DLG2: variants seen among roughly 807,000 people sequenced by gnomAD.
DLG2 encodes disks large homolog 2.
In DLG2, 45 loss-of-function variants were observed where a neutral mutation model predicts 132.5. The observed-to-expected ratio is 0.34, with a 90% CI of 0.27 to 0.44. DLG2 has a LOEUF of 0.44. Ranked by LOEUF, DLG2 falls within the 20% of genes least tolerant of loss-of-function variation. The pLI is 1.00. For missense variants in DLG2, 1,045 were observed against 1,196.9 expected, an observed-to-expected ratio of 0.87 and a Z score of 1.87; for synonymous variants, 424 against 419.6, an observed-to-expected ratio of 1.01 and a Z score of -0.13.
intron 3 of DLG2, among the ~76,000 whole-genome samples, chr11:85,423,048 G>C (rs1293915425): frequency 1.3e-5 from 2 of 151,684 alleles, no homozygotes; most frequent in Non-Finnish European, 2.9e-5. Context: ...TTGGTTTTTT[G>C]GTTCCTTCTC....
At chr11:85,324,797 G>A (rs1252522050) in intron 3 of DLG2, among the ~76,000 whole-genome samples, 4 of 152,040 alleles carry the variant, frequency 2.6e-5, no homozygotes, top group Non-Finnish European at 5.9e-5. Flanking sequence ...AACAGCTCCG[G>A]TCTACAGCTC....
At chr11:84,002,187 C>T (rs1316456134) in intron 11 of DLG2, among the ~76,000 whole-genome samples, 1 of 152,032 alleles carries the variant, frequency 6.6e-6, no homozygotes, top group Non-Finnish European at 1.5e-5. Context: ...GAAGAGAGAA[C>T]ACCTAAATAA....
chr11:84,338,881 A>T (rs2154404684), intron 7 of DLG2, among the ~76,000 whole-genome samples: 1 of 152,314 alleles, frequency 6.6e-6, no homozygotes, highest in Admixed American at 6.5e-5. Flanking sequence ...ATTAAATAAT[A>T]CATGATAATC....
In DLG2 at chr11:84,602,669, T is replaced by G. The variant is rs368612377; in HGVS notation, c.358-67938A>C. Among the ~76,000 whole-genome samples the G allele has an allele frequency of 2.7e-4, 41 of 152,072 alleles. No homozygotes were observed. The East Asian group carries it at 6.2e-3, about 23-fold the overall frequency. ...TTTTGCTTTTATGTCCCTTTAAGGA[T>G]GCAGTGGGAGAAATAGAGTGATCAC... On this transcript the variant is annotated intron_variant, in intron 6 of 27. Transcript: ENST00000376104.
At position 85,239,047 on chromosome 11, in the gene DLG2, T is replaced by A. The variant is rs533264539; in HGVS notation, c.186+46173A>T. 1.5e-4 allele frequency among the ~76,000 whole-genome samples: 23 copies of A among 152,186 alleles called. No individual in the cohort carries two copies. In the South Asian group the frequency reaches 4.8e-3, roughly 32 times the overall value. On this transcript the variant is annotated intron_variant, in intron 4 of 27. Transcript: ENST00000376104. ...TGGTGTTATTCAAGATTTACAATAT[T>A]GTACTATATATGAAGAAAAATACAC...
chr11:83,779,548 G>T (rs572501697), intron 18 of DLG2, among the ~76,000 whole-genome samples: 1 of 152,070 alleles, frequency 6.6e-6, no homozygotes, highest in Admixed American at 6.6e-5. Flanking sequence ...CATTCCTTGG[G>T]CTATTAAAGC....
chr11:85,240,000 C>T (rs1474684312), intron 4 of DLG2, among the ~76,000 whole-genome samples: 1 of 151,852 alleles, frequency 6.6e-6, no homozygotes, highest in Non-Finnish European at 1.5e-5. Context: ...ACTTGTTAAA[C>T]TCATAGTTCC....
At chr11:83,547,420 C>A (rs1419768089) in intron 19 of DLG2, among the ~76,000 whole-genome samples, 1 of 152,036 alleles carries the variant, frequency 6.6e-6, no homozygotes. Context: ...TGGACACAAT[C>A]TAATTACATG....
intron 19 of DLG2, among the ~76,000 whole-genome samples, chr11:83,558,148 C>T (rs533209): frequency 0.48 from 72,914 of 151,984 alleles, 18,184 homozygotes; most frequent in African/African-American, 0.59. Context: ...GTTGTAGTCC[C>T]TTACTTAGTC....
intron 6 of DLG2, among the ~76,000 whole-genome samples, chr11:84,977,495 C>A (rs568221531): frequency 3.2e-4 from 48 of 152,244 alleles, no homozygotes; most frequent in African/African-American, 1.1e-3. Flanking sequence ...TTTTCCATTA[C>A]AGAAAGCATC....
chr11:85,274,223 T>G (rs912240973), intron 4 of DLG2, among the ~76,000 whole-genome samples: 49 of 152,332 alleles, frequency 3.2e-4, no homozygotes, highest in East Asian at 3.9e-4. Context: ...CTGCACGCTG[T>G]GCACATGTAC....
intron 7 of DLG2, among the ~76,000 whole-genome samples, chr11:84,314,438 T>G (rs2154393790): frequency 6.6e-6 from 1 of 152,318 alleles, no homozygotes; most frequent in East Asian, 1.9e-4. Context: ...CTTATTTTTG[T>G]GATAATATAC....
At chr11:85,463,770 A>T (rs2092691839) in intron 3 of DLG2, among the ~76,000 whole-genome samples, 3 of 152,092 alleles carry the variant, frequency 2.0e-5, no homozygotes, top group Non-Finnish European at 4.4e-5. Context: ...GACCTTGTTT[A>T]AAAATTTAAA....
intron 18 of DLG2, among the ~76,000 whole-genome samples, chr11:83,651,025 C>CAT (rs752490770): frequency 6.6e-6 from 1 of 152,074 alleles, no homozygotes; most frequent in East Asian, 1.9e-4. Context: ...CTCTATACCT[C>CAT]ATATATATAT....
At chr11:85,151,122 G>C (rs2077221851) in intron 5 of DLG2, among the ~76,000 whole-genome samples, 4 of 151,970 alleles carry the variant, frequency 2.6e-5, no homozygotes, top group Admixed American at 2.6e-4. Flanking sequence ...ATGATTAGTG[G>C]GTTGAACATT....
intron 6 of DLG2, among the ~76,000 whole-genome samples, chr11:84,567,870 A>C (rs1280036318): frequency 6.6e-6 from 1 of 152,170 alleles, no homozygotes; most frequent in Non-Finnish European, 1.5e-5. Flanking sequence ...GCTCTACACA[A>C]CTGAATGAAA....
intron 7 of DLG2, among the ~76,000 whole-genome samples, chr11:84,434,918 GAAA>G (rs770101910): frequency 5.0e-5 from 4 of 79,248 alleles, no homozygotes; most frequent in African/African-American, 4.0e-5. Flanking sequence ...GTCACCTACT[GAAA>G]AAAAAAAAAA....
intron 3 of DLG2, among the ~76,000 whole-genome samples, chr11:85,587,471 A>G (rs971603437): frequency 6.6e-6 from 1 of 151,814 alleles, no homozygotes; most frequent in African/African-American, 2.4e-5. Context: ...TGTCTTTTTC[A>G]ACTGTTGTTG....
At chr11:84,243,017 CTA>C (rs71465003) in intron 8 of DLG2, among the ~76,000 whole-genome samples, 66 of 142,182 alleles carry the variant, frequency 4.6e-4, no homozygotes, top group South Asian at 3.0e-3. Flanking sequence ...CTCTCTCTCT[CTA>C]TATATATATA....
Sources: gnomAD v4.1 joint callset for allele counts (sites outside exome capture counted in the v4.1 genomes callset) on GRCh38, gnomAD v4.1.1 for gene constraint, MANE v1.5 for transcripts, NCBI Gene and HGNC (gene_info 2026-07-23, HGNC 2026-07-21) for gene names.